The following NEBL variants were observed in gnomAD, a reference collection of about 807,000 sequenced individuals.
NEBL encodes the protein LIM and SH3 protein 2.
In NEBL, 122 loss-of-function variants were observed where a neutral mutation model predicts 140.2. The observed-to-expected ratio is 0.87, with a 90% confidence interval of 0.75 to 1.01. The LOEUF (loss-of-function observed/expected upper bound fraction) is 1.01. NEBL is among the 50% of genes least tolerant of loss of function. The probability of loss-of-function intolerance (pLI) is 0.00; values close to 1 mark genes in which losing one functional copy is unlikely to be tolerated. For synonymous variants in NEBL, 436 were observed against 398.9 expected (o/e 1.09, Z -1.11); for missense variants, 1,365 against 1,231.3 (o/e 1.11, Z -1.62).
chr10:20,899,603 C>A (rs141339367), upstream of NEBL: 205 of 336,494 alleles, frequency 6.1e-4, no homozygotes, highest in African/African-American at 4.3e-3. Context: ...ACACCTAAAG[C>A]CCTCTCTTTC....
intron 3 of NEBL, among the ~76,000 whole-genome samples, chr10:21,197,296 G>A (rs1841667970): frequency 6.6e-6 from 1 of 152,206 alleles, no homozygotes; most frequent in Non-Finnish European, 1.5e-5. Context: ...AGCTCCACAG[G>A]TAATCTTGAT....
intron 2 of NEBL, among the ~76,000 whole-genome samples, chr10:21,123,901 C>CTTTTTTTTTTTTTTTT (rs943374693): frequency 7.1e-6 from 1 of 141,820 alleles, no homozygotes. Context: ...CATGTAAGTT[C>CTTTTTTTTTTTTTTTT]TTTTTTTTTT....
chr10:20,896,788 G>A (rs1020781440), intron 2 of NEBL, among the ~76,000 whole-genome samples, 170 bp downstream of exon 2: 12 of 152,010 alleles, frequency 7.9e-5, no homozygotes, highest in Non-Finnish European at 4.4e-5. Context: ...TCTCTGTATA[G>A]GTGACCTTGG....
At chr10:21,227,812 C>G (rs1307967250) in intron 3 of NEBL, among the ~76,000 whole-genome samples, 4 of 147,860 alleles carry the variant, frequency 2.7e-5, no homozygotes, top group African/African-American at 1.0e-4. Flanking sequence ...TCTTCTTCTT[C>G]TTGTTCTTCT....
At chr10:20,911,346 C>T (rs971038785) in intron 4 of NEBL, among the ~76,000 whole-genome samples, 1 of 152,162 alleles carries the variant, frequency 6.6e-6, no homozygotes, top group Non-Finnish European at 1.5e-5. Context: ...TTGATGTATA[C>T]ACCTGTTGTG....
intron 16 of NEBL, among the ~76,000 whole-genome samples, chr10:20,829,819 G>T (rs1840234379): frequency 6.6e-6 from 1 of 152,168 alleles, no homozygotes; most frequent in Admixed American, 6.5e-5. Flanking sequence ...TATATATCAT[G>T]GTTGTAATAC....
chr10:21,108,325 T>G (rs1837816923), intron 2 of NEBL, among the ~76,000 whole-genome samples: 2 of 152,224 alleles, frequency 1.3e-5, no homozygotes, highest in Admixed American at 1.3e-4. Context: ...CTCTACACAC[T>G]GCTTTAAATG....
intron 3 of NEBL, among the ~76,000 whole-genome samples, chr10:21,243,486 T>C (rs983328299): frequency 6.6e-5 from 10 of 151,878 alleles, no homozygotes; most frequent in African/African-American, 2.2e-4. Flanking sequence ...TTTGTATTTT[T>C]AGTAGAGATG....
At chr10:21,113,303 A>AAAAAAAAC in intron 2 of NEBL, 1 of 336,478 alleles carries the variant, frequency 3.0e-6, no homozygotes, top group East Asian at 1.0e-4. Context: ...AAAAAAAAAA[A>AAAAAAAAC]AAACCAGGAA....
intron 3 of NEBL, among the ~76,000 whole-genome samples, chr10:21,182,739 T>C (rs2132206754): frequency 6.6e-6 from 1 of 152,342 alleles, no homozygotes; most frequent in African/African-American, 2.4e-5. Flanking sequence ...AATTTTCTGG[T>C]AGCTATATTT....
At chr10:21,195,131 C>T (rs1475896198) in intron 3 of NEBL, among the ~76,000 whole-genome samples, 2 of 152,040 alleles carry the variant, frequency 1.3e-5, no homozygotes, top group Non-Finnish European at 2.9e-5. Flanking sequence ...ATTTCCTAGC[C>T]CTGTCAACCC....
At chr10:21,044,258 G>A (rs527799716) in intron 2 of NEBL, among the ~76,000 whole-genome samples, 6 of 151,998 alleles carry the variant, frequency 3.9e-5, no homozygotes, top group Admixed American at 6.6e-5. Context: ...TTAGCTGGGC[G>A]TGGTGGTGGG....
chr10:20,897,380 C>T (rs1373305493), upstream of NEBL: 5 of 1,412,618 alleles, frequency 3.5e-6, no homozygotes, highest in African/African-American at 1.4e-5. Context: ...TGTGAGTGAA[C>T]AGAAAAGGAT....
chr10:21,288,768 A>AAAAAAAGAAAAAG (rs541111858), intron 1 of NEBL, among the ~76,000 whole-genome samples: 16,437 of 118,808 alleles, frequency 0.14, 1,950 homozygotes, highest in African/African-American at 0.18. Flanking sequence ...GCCAAAAAAA[A>AAAAAAAGAAAAAG]AAAAAAGAAA....
chr10:21,192,615 C>T (rs1335073572), intron 3 of NEBL, among the ~76,000 whole-genome samples: 3 of 151,430 alleles, frequency 2.0e-5, no homozygotes, highest in Admixed American at 6.6e-5. Flanking sequence ...GAGGCCAAGG[C>T]GGGTGGATCA....
chr10:21,270,403 G>T (rs1842848273), intron 1 of NEBL, among the ~76,000 whole-genome samples: 1 of 147,666 alleles, frequency 6.8e-6, no homozygotes, highest in Non-Finnish European at 1.5e-5. Context: ...GTCTCACTCT[G>T]TCACCCAGGC....
chr10:21,266,696 A>G (rs1842800497), intron 1 of NEBL, among the ~76,000 whole-genome samples: 1 of 152,190 alleles, frequency 6.6e-6, no homozygotes, highest in Non-Finnish European at 1.5e-5. Context: ...ACAGCCCAGA[A>G]TCCTCAGGGG....
chr10:21,029,221 A>G (rs1475620905), intron 2 of NEBL: 1 of 1,472,322 alleles, frequency 6.8e-7, no homozygotes, highest in African/African-American at 1.4e-5. Flanking sequence ...CATCCTTCCC[A>G]CTGCTCCACC....
intron 2 of NEBL, among the ~76,000 whole-genome samples, chr10:21,163,794 T>C (rs1840652210): frequency 6.6e-6 from 1 of 152,180 alleles, no homozygotes; most frequent in Non-Finnish European, 1.5e-5. Flanking sequence ...TCGAACTAGT[T>C]CTCTTCTGGC....
Sources: gnomAD v4.1 joint callset for allele counts (sites outside exome capture counted in the v4.1 genomes callset) on GRCh38, gnomAD v4.1.1 for gene constraint, MANE v1.5 for transcripts, NCBI Gene and HGNC (gene_info 2026-07-23, HGNC 2026-07-21) for gene names.